The following SLC24A2 variants were observed in gnomAD, a reference collection of about 807,000 sequenced individuals.
The protein encoded by SLC24A2 is sodium/potassium/calcium exchanger 2.
A neutral mutation model predicts 62.0 loss-of-function variants in SLC24A2; 36 were observed. That is an observed-to-expected ratio of 0.58 (90% CI 0.44 to 0.77). The LOEUF is 0.77. Ranked by LOEUF, SLC24A2 falls within the 30% of genes least tolerant of loss-of-function variation. The pLI, the probability that SLC24A2 is intolerant of heterozygous loss-of-function variation, is 0.00. For missense variants in SLC24A2, 846 were observed against 817.9 expected (o/e 1.03, Z -0.42); for synonymous variants, 358 against 294.0 (o/e 1.22, Z -2.23).
At chr9:20,051,480 T>A in the SLC24A2 span, among the ~76,000 whole-genome samples, 1 of 152,002 alleles carries the variant, frequency 6.6e-6, no homozygotes, top group East Asian at 1.9e-4. Context: ...ACAACATGAT[T>A]AGCAAACTTC....
chr9:20,104,456 C>T, the SLC24A2 span, among the ~76,000 whole-genome samples: 52 of 152,276 alleles, frequency 3.4e-4, no homozygotes, highest in South Asian at 7.7e-3. Flanking sequence ...AGAGAAAGGT[C>T]GGGTTACCCA....
chr9:20,072,563 A>G, the SLC24A2 span, among the ~76,000 whole-genome samples: 2 of 152,190 alleles, frequency 1.3e-5, no homozygotes, highest in African/African-American at 2.4e-5. Context: ...TAATCATAAT[A>G]TCACATATCA....
chr9:19,550,120 T>A lies in SLC24A2; in HGVS notation c.1479+17A>T. On this transcript the variant is annotated intron_variant, in intron 8 of 10. Transcript: ENST00000341998. ...ATATGTTTTACAAGGGAACTATTTTTAAAATGCTTTACTTACAGGTTTGCG... is the reference window on the plus strand; with the variant it reads ...ATATGTTTTACAAGGGAACTATTTTAAAAATGCTTTACTTACAGGTTTGCG... 3 of 1,612,714 alleles carry A rather than the reference T, an allele frequency of 1.9e-6. No homozygotes were observed. The highest frequency in any genetic ancestry group is 2.2e-5 in the East Asian group (1 of 44,816).
the SLC24A2 span, among the ~76,000 whole-genome samples, chr9:19,972,811 A>C: frequency 6.6e-6 from 1 of 151,948 alleles, no homozygotes; most frequent in African/African-American, 2.4e-5. Flanking sequence ...ATTGAGGCTC[A>C]GAGAAAGTGA....
the SLC24A2 span, among the ~76,000 whole-genome samples, chr9:20,173,523 C>A: frequency 6.6e-6 from 1 of 152,012 alleles, no homozygotes; most frequent in East Asian, 1.9e-4. Flanking sequence ...CAGTAGCTCT[C>A]CTATACACCA....
chr9:19,633,125 A>C (rs73646348), intron 2 of SLC24A2, among the ~76,000 whole-genome samples: 5,543 of 152,290 alleles, frequency 0.036, 238 homozygotes, highest in African/African-American at 0.1. Context: ...AAGTTATTGT[A>C]TGTATCAACA....
the SLC24A2 span, among the ~76,000 whole-genome samples, chr9:20,306,501 T>A: frequency 6.6e-6 from 1 of 152,194 alleles, no homozygotes; most frequent in Non-Finnish European, 1.5e-5. Context: ...TGGCTGAGAT[T>A]TAGCTGCACA....
the SLC24A2 span, among the ~76,000 whole-genome samples, chr9:20,152,074 T>A: frequency 1.3e-5 from 2 of 152,046 alleles, no homozygotes; most frequent in East Asian, 3.9e-4. Context: ...TGCTAAGCAC[T>A]CAGCAAATAT....
chr9:19,591,750 C>T (rs1268697476), intron 5 of SLC24A2, among the ~76,000 whole-genome samples: 1 of 152,200 alleles, frequency 6.6e-6, no homozygotes, highest in Non-Finnish European at 1.5e-5. Context: ...TGTGGAGCTG[C>T]TAGAGCTGCC....
chr9:19,718,458 A>ATTTTTTTTTT (rs58736549), intron 2 of SLC24A2, among the ~76,000 whole-genome samples: 8 of 99,770 alleles, frequency 8.0e-5, no homozygotes, highest in Non-Finnish European at 9.4e-5. Context: ...ATGCCTGGCT[A>ATTTTTTTTTT]TTTTTTTTTT....
the SLC24A2 span, among the ~76,000 whole-genome samples, chr9:20,194,573 C>T: frequency 1.2e-4 from 18 of 152,140 alleles, no homozygotes; most frequent in African/African-American, 4.3e-4. Flanking sequence ...AAAAGAAATG[C>T]CAGCAATATC....
chr9:19,550,016 A>G lies in SLC24A2; in HGVS notation c.1479+121T>C, dbSNP rs1047912214. ...ATAGTTGTACCTATTTATGGGGTATATGTGAGATTTTGATACAAGTGTACT... is the reference window on the plus strand; with the variant it reads ...ATAGTTGTACCTATTTATGGGGTATGTGTGAGATTTTGATACAAGTGTACT... On this transcript the variant is annotated intron_variant, in intron 8 of 10. Transcript: ENST00000341998. The G allele has an allele frequency of 5.3e-6, 5 of 936,392 alleles. No homozygotes were observed. The African/African-American group carries it at 8.2e-5, about 15-fold the overall frequency. 58.0% of individuals were successfully genotyped at this position (936,392 alleles called of 1,614,324 possible).
chr9:19,924,678 A>T, the SLC24A2 span, among the ~76,000 whole-genome samples: 10 of 152,196 alleles, frequency 6.6e-5, no homozygotes, highest in African/African-American at 2.4e-4. Flanking sequence ...TTGCCTGCAG[A>T]TGTTAATTTC....
At chr9:20,194,389 C>G in the SLC24A2 span, among the ~76,000 whole-genome samples, 1 of 152,064 alleles carries the variant, frequency 6.6e-6, no homozygotes, top group East Asian at 1.9e-4. Context: ...CTCTTCATCC[C>G]TTCTCCAAGA....
At chr9:19,833,654 A>G in the SLC24A2 span, among the ~76,000 whole-genome samples, 1 of 152,260 alleles carries the variant, frequency 6.6e-6, no homozygotes, top group Non-Finnish European at 1.5e-5. Context: ...CTGGGGGCAC[A>G]GCACAGACAA....
the SLC24A2 span, among the ~76,000 whole-genome samples, chr9:20,205,474 C>A: frequency 3.3e-5 from 5 of 151,746 alleles, no homozygotes; most frequent in African/African-American, 1.2e-4. Context: ...CAGTGAAACA[C>A]CGTCTCTACT....
At chr9:19,628,487 C>G (rs983809881) in intron 2 of SLC24A2, among the ~76,000 whole-genome samples, 1 of 152,126 alleles carries the variant, frequency 6.6e-6, no homozygotes, top group South Asian at 2.1e-4. Context: ...ACCCGACTAC[C>G]CCTGCTATCT....
the SLC24A2 span, among the ~76,000 whole-genome samples, chr9:20,002,276 G>A: frequency 1.3e-5 from 2 of 152,034 alleles, no homozygotes; most frequent in African/African-American, 2.4e-5. Context: ...GTAGTTGAAA[G>A]GTGTCTCTGA....
chr9:20,228,461 C>T, the SLC24A2 span, among the ~76,000 whole-genome samples: 1 of 151,650 alleles, frequency 6.6e-6, no homozygotes, highest in Admixed American at 6.6e-5. Flanking sequence ...AGAGCTGGCA[C>T]CCCAAATTGT....
Sources: gnomAD v4.1 joint callset for allele counts (sites outside exome capture counted in the v4.1 genomes callset) on GRCh38, gnomAD v4.1.1 for gene constraint, MANE v1.5 for transcripts, NCBI Gene and HGNC (gene_info 2026-07-23, HGNC 2026-07-21) for gene names.